The following MED26 variants were observed in gnomAD, a reference collection of about 807,000 sequenced individuals.
MED26 encodes the protein mediator of RNA polymerase II transcription subunit 26.
Under a neutral mutation model 43.7 loss-of-function variants are expected in MED26, and 7 were observed. The ratio of observed to expected loss-of-function variants is 0.16; its 90% CI spans 0.09 to 0.30. The LOEUF is 0.30. Among genes scored for constraint, MED26 ranks in the 10% least tolerant of loss-of-function variants. The pLI, the probability that MED26 is intolerant of heterozygous loss-of-function variation, is 1.00. For missense variants in MED26, 784 were observed against 840.6 expected, an observed-to-expected ratio of 0.93 and a Z score of 0.83; for synonymous variants, 375 against 371.1, an observed-to-expected ratio of 1.01 and a Z score of -0.12.
At chr19:16,608,705 G>A (rs34042411) in intron 1 of MED26, among the ~76,000 whole-genome samples, 5,003 of 152,260 alleles carry the variant, frequency 0.033, 124 homozygotes, top group Non-Finnish European at 0.055. Context: ...ACACAGTCAC[G>A]CTCATTCACT....
At chr19:16,581,916 G>A (rs73514984) in intron 1 of MED26, among the ~76,000 whole-genome samples, 1 of 152,246 alleles carries the variant, frequency 6.6e-6, no homozygotes, top group East Asian at 1.9e-4. Context: ...CTCACCTGAG[G>A]AGTAGAGGAG....
In MED26 at chr19:16,627,937, C is replaced by T; in HGVS notation, c.7G>A (p.Ala3Thr). 2 of 1,476,620 alleles carry T rather than the reference C, an allele frequency of 1.4e-6. No individual in the cohort carries two copies. The highest frequency in any genetic ancestry group is 1.8e-6 in the Non-Finnish European group (2 of 1,112,608). 91.5% of individuals were successfully genotyped at this position (1,476,620 alleles called of 1,614,324 possible). ...ATCTGCTGCGGAGACGCCGGAGCCG[C>T]TGTCATTGCCTGGGCGAGGCGGGGG... MT[A>T]APASPQQIRD... The change falls in exon 1 of 3, where the codon GCG (alanine) becomes ACG (threonine). Residue 3 changes from alanine to threonine, a missense_variant. Around this residue, in one of 3 missense-constraint regions of MED26, gnomAD observed 37 missense variants for 30.3 expected, o/e 1.22. Coordinates refer to ENST00000263390, the MANE Select transcript of MED26 (RefSeq NM_004831.5).
In MED26 at chr19:16,617,534, C is replaced by A. The variant is rs1387417528; in HGVS notation, c.72+10338G>T. Among the ~76,000 whole-genome samples, 3 of 152,098 alleles carry A rather than the reference C, an allele frequency of 2.0e-5. No homozygotes were observed. In the East Asian group the frequency reaches 5.8e-4, roughly 29 times the overall value. The stretch of plus-strand genomic sequence containing the variant: ...TGCCTTTCCCAACACATGAAGCAGC[C>A]CATCCACAAGACAGGCGGACACACA... On this transcript the variant is annotated intron_variant, in intron 1 of 2. Transcript: ENST00000263390.
At chr19:16,603,805 G>A (rs1001481342) in intron 1 of MED26, among the ~76,000 whole-genome samples, 1 of 152,174 alleles carries the variant, frequency 6.6e-6, no homozygotes, top group Non-Finnish European at 1.5e-5. Context: ...GCTCCGTAAG[G>A]CTCCAGGCAG....
At chr19:16,616,256 T>C (rs1171101698) in intron 1 of MED26, among the ~76,000 whole-genome samples, 3 of 152,180 alleles carry the variant, frequency 2.0e-5, no homozygotes, top group African/African-American at 7.2e-5. Flanking sequence ...TTTACATCTT[T>C]CTGGAAAAAC....
At chr19:16,607,375 G>GGA (rs1163192788) in intron 1 of MED26, among the ~76,000 whole-genome samples, 2 of 111,498 alleles carry the variant, frequency 1.8e-5, no homozygotes, top group African/African-American at 3.3e-5. Context: ...CTTTTGTGGG[G>GGA]AAAAAAAAAA....
At chr19:16,596,926 G>A (rs1045717726) in intron 1 of MED26, among the ~76,000 whole-genome samples, 17 of 152,152 alleles carry the variant, frequency 1.1e-4, no homozygotes, top group African/African-American at 4.1e-4. Context: ...AGAATGAGGT[G>A]GGCCAACTTG....
chr19:16,615,646 T>C (rs888024010), intron 1 of MED26, among the ~76,000 whole-genome samples: 1 of 151,608 alleles, frequency 6.6e-6, no homozygotes, highest in Non-Finnish European at 1.5e-5. Context: ...CTTGGGAGGC[T>C]GAGGCAGGAG....
chr19:16,593,316 G>A (rs2086106504), intron 1 of MED26, among the ~76,000 whole-genome samples: 1 of 152,174 alleles, frequency 6.6e-6, no homozygotes, highest in African/African-American at 2.4e-5. Context: ...GGAGGCATGA[G>A]GGAGCTCCTC....
intron 1 of MED26, among the ~76,000 whole-genome samples, chr19:16,618,692 A>G (rs1013239707): frequency 6.6e-6 from 1 of 152,182 alleles, no homozygotes; most frequent in African/African-American, 2.4e-5. Flanking sequence ...CACTGGATCC[A>G]CTATTCTTCT....
At chr19:16,608,010 TG>T (rs2086182157) in intron 1 of MED26, among the ~76,000 whole-genome samples, 2 of 152,256 alleles carry the variant, frequency 1.3e-5, no homozygotes. Flanking sequence ...GTCTGTGGCC[TG>T]AAGCCCGGCA....
intron 1 of MED26, among the ~76,000 whole-genome samples, chr19:16,600,270 G>A (rs532816399): frequency 2.8e-4 from 42 of 152,154 alleles, no homozygotes; most frequent in African/African-American, 9.2e-4. Flanking sequence ...CTGGAATTGT[G>A]CCAGGCTGAG....
chr19:16,620,097 C>T (rs957921915), intron 1 of MED26, among the ~76,000 whole-genome samples: 1 of 152,308 alleles, frequency 6.6e-6, no homozygotes, highest in Admixed American at 6.5e-5. Context: ...CACCTCACAC[C>T]CCTTCTTCAG....
At position 16,577,659 on chromosome 19, in the gene MED26, G is replaced by T; in HGVS notation, c.171C>A (p.Ile57=). ...TCTTGGTTTTCTTGCGGACGTCGTT[G>T]ATGAGCTTCCCAAGTCGTGTTTCCT... ...ALEETRLGKL[I]NDVRKKTKNE... The change falls in exon 3 of 3, where the codon ATC becomes ATA. Residue 57 remains isoleucine (I), a synonymous_variant. Coordinates refer to ENST00000263390, the MANE Select transcript of MED26 (RefSeq NM_004831.5). This position sits in a 1 kb window ranked among gnomAD's most constrained non-coding sequence, Gnocchi z 8.1. The T allele has an allele frequency of 6.3e-7, 1 of 1,578,206 alleles. No homozygotes were observed.
intron 1 of MED26, among the ~76,000 whole-genome samples, chr19:16,581,166 A>G (rs757966146): frequency 6.6e-6 from 1 of 151,782 alleles, no homozygotes; most frequent in East Asian, 1.9e-4. Context: ...TGCCCTGCCA[A>G]TGGGCCCATT....
At chr19:16,584,294 G>GCCCCCCCCCC (rs1234823272) in intron 1 of MED26, among the ~76,000 whole-genome samples, 1 of 127,110 alleles carries the variant, frequency 7.9e-6, no homozygotes, top group African/African-American at 3.2e-5. Flanking sequence ...CCCAAACACT[G>GCCCCCCCCCC]CCCCCCCCCG....
intron 1 of MED26, chr19:16,597,367 T>C: frequency 2.5e-6 from 1 of 398,492 alleles, no homozygotes; most frequent in East Asian, 3.6e-5. Context: ...TGACACATTC[T>C]CCGACATTCC....
chr19:16,627,948 T>C lies in MED26; in HGVS notation c.-5A>G. On this transcript the variant is annotated 5_prime_UTR_variant, in exon 1 of 3. Transcript: ENST00000263390. ...AGACGCCGGAGCCGCTGTCATTGCC[T>C]GGGCGAGGCGGGGGGTTGCGGCCGG... is the stretch of plus-strand genomic sequence containing the variant. 9 of 1,458,258 alleles carry C rather than the reference T, an allele frequency of 6.2e-6. No homozygotes were observed. Among genetic ancestry groups the C allele is most frequent in the Non-Finnish European group, 7.3e-6 (8 of 1,102,622 alleles). The allele number at this position is 1,458,258 out of a possible 1,614,324, so 90.3% of individuals were successfully genotyped here. A position where few individuals can be genotyped will look rare whatever the true frequency, so the allele number is the denominator to read the frequency against.
At chr19:16,606,121 C>T (rs368852754) in intron 1 of MED26, among the ~76,000 whole-genome samples, 4 of 152,200 alleles carry the variant, frequency 2.6e-5, no homozygotes, top group East Asian at 1.9e-4. Context: ...GGAATCCACA[C>T]GCCTGGGCCC....
Sources: gnomAD v4.1 joint callset for allele counts (sites outside exome capture counted in the v4.1 genomes callset) on GRCh38, gnomAD v4.1.1 for gene constraint, gnomAD v4.1.1 regional missense constraint, Gnocchi (gnomAD v3.1) non-coding constraint, MANE v1.5 for transcripts, NCBI Gene and HGNC (gene_info 2026-07-23, HGNC 2026-07-21) for gene names.